PDE4B: variants seen among roughly 807,000 people sequenced by gnomAD.
The protein encoded by PDE4B is phosphodiesterase 4B.
PDE4B carries 20 observed loss-of-function variants against 82.2 expected under a neutral mutation model. The ratio of observed to expected loss-of-function variants is 0.24; its 90% CI spans 0.17 to 0.35. The LOEUF is 0.35. Ranked by LOEUF, PDE4B falls within the 10% of genes least tolerant of loss-of-function variation. The pLI, the probability that PDE4B is intolerant of heterozygous loss-of-function variation, is 1.00. For synonymous variants in PDE4B, 320 were observed against 318.9 expected (o/e 1.00, Z -0.04); for missense variants, 655 against 907.2 (o/e 0.72, Z 3.57).
chr1:66,201,022 C>A (rs1305545591), intron 3 of PDE4B, among the ~76,000 whole-genome samples: 1 of 152,158 alleles, frequency 6.6e-6, no homozygotes, highest in Non-Finnish European at 1.5e-5. Flanking sequence ...TACATCCCAT[C>A]AATACCTAAT....
intron 3 of PDE4B, among the ~76,000 whole-genome samples, chr1:66,208,839 C>A (rs544580274): frequency 6.6e-5 from 10 of 152,234 alleles, no homozygotes; most frequent in South Asian, 2.1e-4. Flanking sequence ...TGCATTATCT[C>A]ATTTAATTCT....
chr1:65,893,304 G>A (rs1646872397), intron 1 of PDE4B, among the ~76,000 whole-genome samples: 1 of 152,042 alleles, frequency 6.6e-6, no homozygotes, highest in African/African-American at 2.4e-5. Context: ...AACAGAGTTG[G>A]TGAGCAAAGC....
intron 3 of PDE4B, among the ~76,000 whole-genome samples, chr1:65,994,981 C>G (rs1405645434): frequency 6.6e-6 from 1 of 152,008 alleles, no homozygotes; most frequent in East Asian, 1.9e-4. Context: ...AATTTTCTGG[C>G]AGCAAAAGGA....
chr1:66,119,592 A>T (rs1008279861), intron 3 of PDE4B, among the ~76,000 whole-genome samples: 1 of 152,172 alleles, frequency 6.6e-6, no homozygotes, highest in Non-Finnish European at 1.5e-5. Context: ...CACAATTCCC[A>T]GTTCTGTTTT....
intron 3 of PDE4B, among the ~76,000 whole-genome samples, chr1:65,997,175 T>G: frequency 9.7e-6 from 1 of 103,538 alleles, no homozygotes; most frequent in Admixed American, 1.5e-4. Flanking sequence ...CCCTGCTGCA[T>G]TGCTGCTCCT....
intron 3 of PDE4B, among the ~76,000 whole-genome samples, chr1:65,919,075 A>G (rs573229581): frequency 2.0e-5 from 3 of 152,346 alleles, no homozygotes; most frequent in South Asian, 4.1e-4. Context: ...AATGAGATAC[A>G]TTTACATTAA....
intron 3 of PDE4B, among the ~76,000 whole-genome samples, chr1:66,069,364 G>A (rs901221803): frequency 1.3e-5 from 2 of 151,910 alleles, no homozygotes; most frequent in African/African-American, 4.8e-5. Context: ...ATCTCTGTAG[G>A]ATGAAATCCT....
At chr1:65,921,786 T>C (rs1383497674) in intron 3 of PDE4B, among the ~76,000 whole-genome samples, 1 of 152,180 alleles carries the variant, frequency 6.6e-6, no homozygotes, top group Non-Finnish European at 1.5e-5. Context: ...CTTTCTAGGC[T>C]AGTAAAGATC....
intron 1 of PDE4B, among the ~76,000 whole-genome samples, chr1:65,871,196 C>A (rs1188178914): frequency 6.6e-6 from 1 of 152,170 alleles, no homozygotes; most frequent in Non-Finnish European, 1.5e-5. Flanking sequence ...TTAATTTGAT[C>A]TATTTGAAGT....
chr1:65,874,457 G>C (rs1305398103), intron 1 of PDE4B, among the ~76,000 whole-genome samples: 1 of 152,104 alleles, frequency 6.6e-6, no homozygotes, highest in Non-Finnish European at 1.5e-5. Flanking sequence ...ACACTATGTT[G>C]AATAGGAGTG....
intron 3 of PDE4B, among the ~76,000 whole-genome samples, chr1:66,016,261 C>G (rs1398321828): frequency 6.6e-6 from 1 of 152,072 alleles, no homozygotes. Context: ...TACAGAAGCA[C>G]AGGAAGAGAC....
intron 7 of PDE4B, among the ~76,000 whole-genome samples, chr1:66,292,641 A>C (rs144807752): frequency 1.3e-5 from 2 of 152,328 alleles, no homozygotes; most frequent in African/African-American, 4.8e-5. Flanking sequence ...TGGAAAGTTG[A>C]ACAGGTATTC....
chr1:65,917,074 A>T (rs1395765690), intron 2 of PDE4B, among the ~76,000 whole-genome samples: 1 of 152,198 alleles, frequency 6.6e-6, no homozygotes, highest in Non-Finnish European at 1.5e-5. Context: ...ATAGTCTTGC[A>T]TGCATCAGAT....
At chr1:66,310,116 T>C (rs1269510685) in intron 7 of PDE4B, among the ~76,000 whole-genome samples, 1 of 152,206 alleles carries the variant, frequency 6.6e-6, no homozygotes, top group East Asian at 1.9e-4. Flanking sequence ...ACTCTCCTCT[T>C]CTCTGCTCCC....
chr1:66,205,439 A>G (rs1193598536), intron 3 of PDE4B, among the ~76,000 whole-genome samples: 1 of 152,188 alleles, frequency 6.6e-6, no homozygotes, highest in Non-Finnish European at 1.5e-5. Context: ...CTGTTAAGGT[A>G]ATTCTGTTTG....
At chr1:66,234,374 T>A (rs923845158) in intron 3 of PDE4B, among the ~76,000 whole-genome samples, 8 of 152,146 alleles carry the variant, frequency 5.3e-5, no homozygotes, top group African/African-American at 1.9e-4. Flanking sequence ...CTGCAACCTC[T>A]GCCTCCCGGG....
intron 3 of PDE4B, chr1:65,992,854 C>CGG (rs1239300240): frequency 6.3e-7 from 1 of 1,590,192 alleles, no homozygotes; most frequent in Non-Finnish European, 8.6e-7. Context: ...AGTGTCTCTG[C>CGG]TATGTTTGAG....
At position 66,206,225 on chromosome 1, in the gene PDE4B, G is replaced by A. The variant is rs376501401; in HGVS notation, c.282-41235G>A. On this transcript the variant is annotated intron_variant, in intron 3 of 16. Transcript: ENST00000341517. Reference sequence around the variant, plus strand: ...TCTTCTTCCAATCCAGTTTCCTTCAGGGAAACTTGGAATTTACCCTACAGG... The same window carrying A: ...TCTTCTTCCAATCCAGTTTCCTTCAAGGAAACTTGGAATTTACCCTACAGG... 2.0e-5 allele frequency among the ~76,000 whole-genome samples: 3 copies of A among 152,238 alleles called. No homozygotes were observed. The South Asian group carries it at 6.2e-4, about 32-fold the overall frequency.
At chr1:65,982,330 T>A (rs1557475433) in intron 3 of PDE4B, among the ~76,000 whole-genome samples, 1 of 152,186 alleles carries the variant, frequency 6.6e-6, no homozygotes, top group South Asian at 2.1e-4. Context: ...CGCAAACACA[T>A]CCTGGTTTCT....
Sources: allele counts gnomAD v4.1 joint callset (sites outside exome capture counted in the v4.1 genomes callset), GRCh38; gene constraint gnomAD v4.1.1; transcripts MANE v1.5; gene names NCBI Gene and HGNC (gene_info 2026-07-23, HGNC 2026-07-21).